CSNK1A1: variants seen among roughly 807,000 people sequenced by gnomAD.
The protein encoded by CSNK1A1 is casein kinase I isoform alpha.
CSNK1A1 carries 7 observed loss-of-function variants against 46.1 expected under a neutral mutation model. The ratio of observed to expected loss-of-function variants is 0.15; its 90% confidence interval spans 0.09 to 0.29. The LOEUF (loss-of-function observed/expected upper bound fraction) is 0.29. CSNK1A1 is among the 10% of genes least tolerant of loss of function. The pLI is 1.00. For missense variants in CSNK1A1, 96 were observed against 417.1 expected, an observed-to-expected ratio of 0.23 and a Z score of 6.71; for synonymous variants, 137 against 141.5, an observed-to-expected ratio of 0.97 and a Z score of 0.23.
At chr5:149,500,519 T>C (rs956547577) in intron 9 of CSNK1A1, among the ~76,000 whole-genome samples, 1 of 149,912 alleles carries the variant, frequency 6.7e-6, no homozygotes, top group African/African-American at 2.5e-5. Context: ...CCTCACGATC[T>C]GCCCGCCTCA....
At chr5:149,513,554 C>A (rs1276430940) in intron 4 of CSNK1A1, among the ~76,000 whole-genome samples, 1 of 152,148 alleles carries the variant, frequency 6.6e-6, no homozygotes, top group African/African-American at 2.4e-5. Context: ...ATAATGACAC[C>A]TGATAGTCTG....
At chr5:149,542,636 A>ATATATACATG in intron 2 of CSNK1A1, among the ~76,000 whole-genome samples, 1 of 9,780 alleles carries the variant, frequency 1.0e-4, no homozygotes, top group African/African-American at 6.5e-4. Flanking sequence ...ATATATATAT[A>ATATATACATG]TATGTATATA....
At chr5:149,505,682 T>C in intron 8 of CSNK1A1, 87 bp from the exon 9 acceptor site, 1 of 1,086,260 alleles carries the variant, frequency 9.2e-7, no homozygotes, top group African/African-American at 1.6e-5. Flanking sequence ...AGTGACAGCA[T>C]TTCTTTACAC....
chr5:149,525,583 C>G lies in CSNK1A1; in HGVS notation c.231-412G>C, dbSNP rs1271165496. On this transcript the variant is annotated intron_variant, in intron 2 of 9. Coordinates refer to ENST00000377843, the MANE Select transcript of CSNK1A1 (RefSeq NM_001892.6). The surrounding 1 kb of genome is among the most constrained non-coding windows in gnomAD (Gnocchi z 4.2). Reference sequence around the variant, plus strand: ...TTCAGAAAGCAAAGATTTCTTTTATCTGAACTTCGATTCCAGTTCCTACCA... The same window carrying G: ...TTCAGAAAGCAAAGATTTCTTTTATGTGAACTTCGATTCCAGTTCCTACCA... Among the ~76,000 whole-genome samples the G allele has an allele frequency of 6.6e-6, 1 of 152,206 alleles. No individual in the cohort carries two copies. The highest frequency in any genetic ancestry group is 2.4e-5 in the African/African-American group (1 of 41,440).
At chr5:149,535,024 C>T (rs767502023) in intron 2 of CSNK1A1, among the ~76,000 whole-genome samples, 2 of 152,148 alleles carry the variant, frequency 1.3e-5, no homozygotes, top group South Asian at 2.1e-4. Flanking sequence ...ACTCCCTCTT[C>T]GGATTATCCT....
At chr5:149,497,219 C>T (rs1760680958) in intron 9 of CSNK1A1, 7 of 1,016,582 alleles carry the variant, frequency 6.9e-6, no homozygotes, top group Non-Finnish European at 8.2e-6. Flanking sequence ...GATTGCTTTG[C>T]TTTAACTAAA....
intron 2 of CSNK1A1, among the ~76,000 whole-genome samples, chr5:149,532,606 T>C (rs1761938729): frequency 1.3e-5 from 2 of 152,072 alleles, no homozygotes; most frequent in Admixed American, 1.3e-4. Context: ...GGAGAATCAC[T>C]TGAACCTGGG....
chr5:149,506,517 G>A (rs1026742604), intron 8 of CSNK1A1, among the ~76,000 whole-genome samples: 3 of 152,156 alleles, frequency 2.0e-5, no homozygotes, highest in Admixed American at 6.5e-5. Context: ...GATTACAGGC[G>A]TGAGCCACCG....
At chr5:149,506,555 C>G (rs745555546) in intron 8 of CSNK1A1, among the ~76,000 whole-genome samples, 1 of 152,294 alleles carries the variant, frequency 6.6e-6, no homozygotes, top group Non-Finnish European at 1.5e-5. Context: ...TCAATTCTTA[C>G]TCTCTTCCAA....
At chr5:149,536,208 C>T (rs959623512) in intron 2 of CSNK1A1, among the ~76,000 whole-genome samples, 34 of 152,290 alleles carry the variant, frequency 2.2e-4, no homozygotes, top group African/African-American at 7.9e-4. Context: ...CCACCTCGGC[C>T]TCCCAAAGTG....
chr5:149,542,634 A>ATTTTTTTTTTT (rs1762306419), intron 2 of CSNK1A1, among the ~76,000 whole-genome samples: 1 of 10,416 alleles, frequency 9.6e-5, no homozygotes, highest in Non-Finnish European at 1.4e-4. Context: ...ATATATATAT[A>ATTTTTTTTTTT]TATATGTATA....
At chr5:149,514,132 G>C (rs1420092492) in intron 4 of CSNK1A1, among the ~76,000 whole-genome samples, 1 of 152,054 alleles carries the variant, frequency 6.6e-6, no homozygotes, top group Non-Finnish European at 1.5e-5. Flanking sequence ...CCCAAAAAGC[G>C]CTTAGCATTT....
At chr5:149,537,881 T>C (rs1408421683) in intron 2 of CSNK1A1, among the ~76,000 whole-genome samples, 1 of 151,356 alleles carries the variant, frequency 6.6e-6, no homozygotes, top group Non-Finnish European at 1.5e-5. Context: ...TGTCCTCACA[T>C]AGTTTGAGAT....
intron 9 of CSNK1A1, chr5:149,503,148 A>G: frequency 1.0e-6 from 1 of 985,466 alleles, no homozygotes; most frequent in Non-Finnish European, 1.2e-6. Flanking sequence ...AGAGACTGGA[A>G]GCAGGAATAA....
intron 9 of CSNK1A1, among the ~76,000 whole-genome samples, chr5:149,500,135 ATTTTTT>A (rs1193702653): frequency 9.4e-6 from 1 of 106,328 alleles, no homozygotes; most frequent in Admixed American, 9.5e-5. Flanking sequence ...CGCCCAGCTA[ATTTTTT>A]TTTTTTTTTT....
chr5:149,514,168 G>A (rs984354087), intron 4 of CSNK1A1, among the ~76,000 whole-genome samples: 5 of 152,180 alleles, frequency 3.3e-5, no homozygotes, highest in Non-Finnish European at 7.3e-5. Context: ...ACAATTAGCA[G>A]TTTAAGTGAG....
intron 9 of CSNK1A1, chr5:149,497,873 A>T: frequency 2.1e-6 from 2 of 966,434 alleles, no homozygotes; most frequent in Non-Finnish European, 2.5e-6. Context: ...TCGCTCTGTC[A>T]CCCAGGCTGG....
chr5:149,500,568 C>T (rs908048798), intron 9 of CSNK1A1, among the ~76,000 whole-genome samples: 1 of 152,116 alleles, frequency 6.6e-6, no homozygotes. Context: ...CGAGCCACCG[C>T]ACCCGGCCTT....
At chr5:149,549,365 A>T in intron 2 of CSNK1A1, 1 of 667,550 alleles carries the variant, frequency 1.5e-6, no homozygotes. Context: ...ACTACGAAGG[A>T]TTTTACATAG....
Sources: gnomAD v4.1 joint callset for allele counts (sites outside exome capture counted in the v4.1 genomes callset) on GRCh38, gnomAD v4.1.1 for gene constraint, Gnocchi (gnomAD v3.1) non-coding constraint, MANE v1.5 for transcripts, NCBI Gene and HGNC (gene_info 2026-07-23, HGNC 2026-07-21) for gene names.